Variants in CA9 observed in about 807,000 individuals in gnomAD.
CA9 encodes the protein carbonic anhydrase 9.
In CA9, 43 loss-of-function variants were observed where a neutral mutation model predicts 51.8. The ratio of observed to expected loss-of-function variants is 0.83; its 90% CI spans 0.65 to 1.07. The LOEUF is 1.07. CA9 is among the 50% of genes least tolerant of loss of function. The pLI, the probability that CA9 is intolerant of heterozygous loss-of-function variation, is 0.00. For missense variants in CA9, 574 were observed against 581.4 expected (o/e 0.99, Z 0.13); for synonymous variants, 253 against 244.2 (o/e 1.04, Z -0.34).
Position 35,681,001 on chromosome 9 carries a change from AGAGGTAGCCGAGACTGGAG to A in CA9, c.1357_1375del (p.Glu453ProfsTer?), listed in dbSNP as rs1040318196. 2.5e-6 allele frequency: 4 copies of A among 1,614,056 alleles called. No individual in the cohort carries two copies. The highest frequency in any genetic ancestry group is 1.3e-5 in the African/African-American group (1 of 75,058). ...AAGGGGGTGTGAGCTACCGCCCAGC[AGAGGTAGCCGAGACTGGAG>A]CCTAGAGGCTGGATCTTGGAGAATG... On this transcript the variant is annotated frameshift_variant, in exon 11 of 11. Transcript: ENST00000378357. LOFTEE classifies it high-confidence loss of function.
In CA9 at chr9:35,675,990, T is replaced by C. The variant is rs944446859; in HGVS notation, c.604+59T>C. 148 of 1,602,496 alleles carry C rather than the reference T, an allele frequency of 9.2e-5. No homozygotes were observed. In the African/African-American group the frequency reaches 1.9e-3, roughly 20 times the overall value. ...GGGCGGGGCGCAGGGAAGGGAACCG[T>C]CGCGGCAGTGCCTGCCCGGGGGTTG... is the stretch of plus-strand genomic sequence containing the variant. On this transcript the variant is annotated intron_variant, in intron 3 of 10. Transcript: ENST00000378357.
In CA9 at chr9:35,679,850, C is replaced by G; in HGVS notation, c.1066-4C>G. On this transcript the variant is annotated splice_polypyrimidine_tract_variant and splice_region_variant and intron_variant, in intron 7 of 10. Coordinates refer to ENST00000378357, the MANE Select transcript of CA9 (RefSeq NM_001216.3). ...CCACCCACACTGTCCACTGACCTCC[C>G]TAGCTCCACACCCTCTCTGACACCC... The G allele has an allele frequency of 6.2e-7, 1 of 1,601,216 alleles. No homozygotes were observed. Among genetic ancestry groups the G allele is most frequent in the South Asian group, 1.1e-5 (1 of 89,738 alleles).
Position 35,674,037 on chromosome 9 carries a change from G to A in CA9, c.78G>A (p.Leu26=). ...APAPGLTVQL[L]LSLLLLVPVH... ...CTCCAGGCCTCACTGTGCAACTGCT[G>A]CTGTCACTGCTGCTTCTGGTGCCTG... The change falls in exon 1 of 11, where the codon CTG becomes CTA. Residue 26 remains leucine (L), a synonymous_variant. Transcript: ENST00000378357. 1 of 1,614,164 alleles carries A rather than the reference G, an allele frequency of 6.2e-7. No individual in the cohort carries two copies. Among genetic ancestry groups the A allele is most frequent in the Non-Finnish European group, 8.5e-7 (1 of 1,180,014 alleles).
chr9:35,678,358 A>AG (rs945479689), intron 6 of CA9, among the ~76,000 whole-genome samples: 1 of 151,556 alleles, frequency 6.6e-6, no homozygotes, highest in African/African-American at 2.4e-5. Context: ...AAAAAAAAAA[A>AG]AAAAAAGAAA....
rs1824419473 is a variant in CA9 at position 35,676,215 on chromosome 9, G to A, written c.747+9G>A. On this transcript the variant is annotated intron_variant, in intron 4 of 10. Transcript: ENST00000378357. ...ACCGTTTCCCTGCCGAGGTGAGCGC[G>A]GAGCTGGCCGAGAAGGGGCAAAGGA... 2 of 1,612,024 alleles carry A rather than the reference G, an allele frequency of 1.2e-6. No individual in the cohort carries two copies. The highest frequency in any genetic ancestry group is 1.7e-6 in the Non-Finnish European group (2 of 1,178,988).
Position 35,675,861 on chromosome 9 carries a change from C to A in CA9, c.534C>A (p.Arg178=), listed in dbSNP as rs745998735. The change falls in exon 3 of 11, where the codon CGC becomes CGA. Residue 178 remains arginine (R), a synonymous_variant. Coordinates refer to ENST00000378357, the MANE Select transcript of CA9 (RefSeq NM_001216.3). ...TCGCCGCCTTCTGCCCGGCCCTGCG[C>A]CCCCTGGAACTCCTGGGCTTCCAGC... ...PQLAAFCPAL[R]PLELLGFQLP... 6.2e-6 allele frequency: 10 copies of A among 1,605,928 alleles called. No individual in the cohort carries two copies. The highest frequency in any genetic ancestry group is 2.2e-5 in the South Asian group (2 of 90,970).
At position 35,679,960 on chromosome 9, in the gene CA9, C is replaced by T; in HGVS notation, c.1172C>T (p.Pro391Leu). ...LNGRVIEASF[P>L]AGVDSSPRAA... ...GGGCGAGTGATTGAGGCCTCCTTCCCTGCTGGAGTGGACAGCAGTCCTCGG... is the reference window on the plus strand; with the variant it reads ...GGGCGAGTGATTGAGGCCTCCTTCCTTGCTGGAGTGGACAGCAGTCCTCGG... Residue 391 changes from proline (P) to leucine (L), a missense_variant, in exon 8 of 11, where the codon CCT (proline) becomes CTT (leucine). Transcript: ENST00000378357. 1 of 1,614,214 alleles carries T rather than the reference C, an allele frequency of 6.2e-7. No individual in the cohort carries two copies. Among genetic ancestry groups the T allele is most frequent in the Non-Finnish European group, 8.5e-7 (1 of 1,180,024 alleles).
chr9:35,680,077 C>T (rs1451353629), intron 8 of CA9, 36 bp from the exon 9 acceptor site: 1 of 1,614,146 alleles, frequency 6.2e-7, no homozygotes, highest in East Asian at 2.2e-5. Flanking sequence ...CATTGGTGGT[C>T]ACAGCCCGCC....
Position 35,679,956 on chromosome 9 carries a change from T to C in CA9, c.1168T>C (p.Phe390Leu), listed in dbSNP as rs1206065125. 3 of 1,613,908 alleles carry C rather than the reference T, an allele frequency of 1.9e-6. No individual in the cohort carries two copies. Reference protein sequence around the residue: ...PLNGRVIEASFPAGVDSSPRA... With the variant: ...PLNGRVIEASLPAGVDSSPRA... The stretch of plus-strand genomic sequence containing the variant: ...GAATGGGCGAGTGATTGAGGCCTCC[T>C]TCCCTGCTGGAGTGGACAGCAGTCC... The change falls in exon 8 of 11, where the codon TTC becomes CTC. Residue 390 changes from phenylalanine to leucine, a missense_variant. Phe to Leu is a conservative substitution (Grantham distance 22). Transcript: ENST00000378357.
intron 9 of CA9, 47 bp downstream of exon 9, chr9:35,680,186 C>T (rs2131840738): frequency 1.2e-6 from 2 of 1,611,856 alleles, no homozygotes; most frequent in South Asian, 1.1e-5. Context: ...GACTCCTCAG[C>T]ACCATTCAGC....
chr9:35,676,112 G>T lies in CA9; in HGVS notation c.653G>T (p.Arg218Leu). The T allele has an allele frequency of 6.2e-7, 1 of 1,613,716 alleles. No homozygotes were observed. Among genetic ancestry groups the T allele is most frequent in the Non-Finnish European group, 8.5e-7 (1 of 1,179,880 alleles). Residue 218 changes from arginine to leucine, a missense_variant, in exon 4 of 11, where the codon CGG becomes CTG. Coordinates refer to ENST00000378357, the MANE Select transcript of CA9 (RefSeq NM_001216.3). ...PGLEMALGPG[R>L]EYRALQLHLH... ...CTAGAGATGGCTCTGGGTCCCGGGC[G>T]GGAGTACCGGGCTCTGCAGCTGCAT...
chr9:35,679,252 C>T lies in CA9; in HGVS notation c.975C>T (p.Phe325=). The T allele has an allele frequency of 6.2e-7, 1 of 1,614,192 alleles. No individual in the cohort carries two copies. Among genetic ancestry groups the T allele is most frequent in the Non-Finnish European group, 8.5e-7 (1 of 1,180,030 alleles). Residue 325 remains phenylalanine (F), a synonymous_variant, in exon 7 of 11, where the codon TTC becomes TTT. Transcript: ENST00000378357. ...ALLPSDFSRY[F]QYEGSLTTPP... The stretch of plus-strand genomic sequence containing the variant: ...TGCCCTCTGACTTCAGCCGCTACTT[C>T]CAATATGAGGGGTCTCTGACTACAC...
chr9:35,674,233 G>C lies in CA9; in HGVS notation c.274G>C (p.Glu92Gln). Residue 92 changes from glutamate to glutamine, a missense_variant, in exon 1 of 11, where the codon GAG (glutamate) becomes CAG (glutamine). Transcript: ENST00000378357. The part of the protein sequence containing the change: ...DLPGEEDLPG[E>Q]EDLPEVKPKS... ...ACCTGGAGAGGAGGATCTACCTGGA[G>C]AGGAGGATCTACCTGAAGTTAAGCC... 2.5e-6 allele frequency: 4 copies of C among 1,614,144 alleles called. No individual in the cohort carries two copies. Among genetic ancestry groups the C allele is most frequent in the Non-Finnish European group, 3.4e-6 (4 of 1,180,000 alleles).
chr9:35,678,346 CAA>C (rs11327436), intron 6 of CA9, among the ~76,000 whole-genome samples: 44 of 93,852 alleles, frequency 4.7e-4, no homozygotes, highest in Middle Eastern at 6.0e-3. Flanking sequence ...ACTCTTGTCT[CAA>C]AAAAAAAAAA....
At chr9:35,677,547 G>T (rs1270347659) in intron 5 of CA9, among the ~76,000 whole-genome samples, 1 of 152,046 alleles carries the variant, frequency 6.6e-6, no homozygotes, top group East Asian at 1.9e-4. Flanking sequence ...CAAGCTTGTT[G>T]GTTCGCACAG....
chr9:35,677,951 C>A, intron 6 of CA9, 95 bp downstream of exon 6: 1 of 991,480 alleles, frequency 1.0e-6, no homozygotes, highest in Non-Finnish European at 1.6e-6. Flanking sequence ...TGGGCTCCCT[C>A]CAGTGCAGGA....
Position 35,675,765 on chromosome 9 carries a change from C to CA in CA9, c.438_439insA (p.Pro147ThrfsTer117). The CA allele has an allele frequency of 6.2e-7, 1 of 1,601,342 alleles. No homozygotes were observed. Among genetic ancestry groups the CA allele is most frequent in the South Asian group, 1.1e-5 (1 of 90,708 alleles). On this transcript the variant is annotated frameshift_variant, in exon 3 of 11. Transcript: ENST00000378357. LOFTEE classifies it high-confidence loss of function. ...CACTATACTCTCCCACCCCAGGCGACCCGCCCTGGCCCCGGGTGTCCCCAG... is the reference window on the plus strand; with the variant it reads ...CACTATACTCTCCCACCCCAGGCGACACCGCCCTGGCCCCGGGTGTCCCCAG...
intron 5 of CA9, among the ~76,000 whole-genome samples, chr9:35,677,317 A>G (rs1035933830): frequency 6.6e-6 from 1 of 152,260 alleles, no homozygotes; most frequent in African/African-American, 2.4e-5. Context: ...GTGGCATGTC[A>G]GGACCTCACC....
chr9:35,680,714 C>A (rs1311143493), intron 9 of CA9, 39 bp from the exon 10 acceptor site: 1 of 1,573,284 alleles, frequency 6.4e-7, no homozygotes, highest in Non-Finnish European at 8.7e-7. Context: ...GCAGACCCCT[C>A]TTCCTTCCCA....
Sources: gnomAD v4.1 joint callset for allele counts (sites outside exome capture counted in the v4.1 genomes callset) on GRCh38, gnomAD v4.1.1 for gene constraint, MANE v1.5 for transcripts, NCBI Gene and HGNC (gene_info 2026-07-23, HGNC 2026-07-21) for gene names.